Variants in EIF3H observed in about 807,000 individuals in gnomAD.
EIF3H encodes eukaryotic translation initiation factor 3 subunit H.
Under a neutral mutation model 44.2 loss-of-function variants are expected in EIF3H, and 26 were observed. That is an observed-to-expected ratio of 0.59 (90% CI 0.43 to 0.82). The LOEUF is 0.82. Ranked by LOEUF, EIF3H falls within the 40% of genes least tolerant of loss-of-function variation. The pLI is 0.00. For missense variants in EIF3H, 359 were observed against 432.8 expected, an observed-to-expected ratio of 0.83 and a Z score of 1.51; for synonymous variants, 166 against 151.9, an observed-to-expected ratio of 1.09 and a Z score of -0.68.
intron 2 of EIF3H, among the ~76,000 whole-genome samples, chr8:116,722,966 G>T (rs1241443226): frequency 6.6e-6 from 1 of 152,104 alleles, no homozygotes; most frequent in East Asian, 1.9e-4. Context: ...ATAAAACATT[G>T]GTCAATTCAA....
At position 116,676,455 on chromosome 8, in the gene EIF3H, G is replaced by A. The variant is rs111958821; in HGVS notation, c.290-17475C>T. ...TGGCAGGATGAAGTGCTGAGCAAAG[G>A]GGGGAAGAGCCTCTTATAAAACCAT... On this transcript the variant is annotated intron_variant, in intron 2 of 7. Transcript: ENST00000521861. Among the ~76,000 whole-genome samples, 98 of 152,276 alleles carry A rather than the reference G, an allele frequency of 6.4e-4. 1 individual carries two copies. The highest frequency in any genetic ancestry group is 2.1e-3 in the African/African-American group (88 of 41,566).
At chr8:116,699,241 C>A (rs1366215639) in intron 2 of EIF3H, among the ~76,000 whole-genome samples, 1 of 152,180 alleles carries the variant, frequency 6.6e-6, no homozygotes, top group South Asian at 2.1e-4. Context: ...AACTACTCAA[C>A]TGTATCATAT....
chr8:116,672,013 T>G (rs921791866), intron 2 of EIF3H, among the ~76,000 whole-genome samples: 10 of 152,220 alleles, frequency 6.6e-5, no homozygotes, highest in Non-Finnish European at 1.5e-4. Flanking sequence ...ATAACCTAAT[T>G]TTTAATTTAT....
In EIF3H at chr8:116,644,047, A is replaced by G. The variant is rs1245562056; in HGVS notation, c.*959T>C. 6.6e-6 allele frequency: 1 copy of G among 152,248 alleles called. No individual in the cohort carries two copies. Among genetic ancestry groups the G allele is most frequent in the Non-Finnish European group, 1.5e-5 (1 of 68,050 alleles). The allele number at this position is 152,248 out of a possible 1,614,324, so 9.4% of individuals were successfully genotyped here. A position where few individuals can be genotyped will look rare whatever the true frequency, so the allele number is the denominator to read the frequency against. On this transcript the variant is annotated 3_prime_UTR_variant, in exon 8 of 8. Coordinates refer to ENST00000521861, the MANE Select transcript of EIF3H (RefSeq NM_003756.3). ...AGACAAATGTGAAGTCCTAAATAAT[A>G]TAAACAAAATGAAGTTTACTTGTGG...
chr8:116,725,377 T>C (rs1303941864), intron 2 of EIF3H, among the ~76,000 whole-genome samples: 1 of 152,222 alleles, frequency 6.6e-6, no homozygotes, highest in Non-Finnish European at 1.5e-5. Context: ...TTAACACTAC[T>C]GTAATGTATA....
intron 2 of EIF3H, among the ~76,000 whole-genome samples, chr8:116,719,357 C>T (rs1307889128): frequency 6.6e-6 from 1 of 152,032 alleles, no homozygotes; most frequent in Non-Finnish European, 1.5e-5. Flanking sequence ...CTTAGAGAAA[C>T]TATGGCAAGG....
chr8:116,708,673 A>C (rs951599723), intron 2 of EIF3H, among the ~76,000 whole-genome samples: 1 of 152,116 alleles, frequency 6.6e-6, no homozygotes, highest in Non-Finnish European at 1.5e-5. Flanking sequence ...TGTTCATCAA[A>C]ACCACTTAAT....
At chr8:116,760,911 T>A (rs1162409293) in intron 1 of EIF3H, among the ~76,000 whole-genome samples, 1 of 152,220 alleles carries the variant, frequency 6.6e-6, no homozygotes, top group Non-Finnish European at 1.5e-5. Flanking sequence ...TAATTTCCAA[T>A]CTTTAAACTT....
intron 1 of EIF3H, among the ~76,000 whole-genome samples, chr8:116,742,331 T>A (rs1271907160): frequency 6.6e-6 from 1 of 152,218 alleles, no homozygotes; most frequent in Non-Finnish European, 1.5e-5. Context: ...ACTAATCTTA[T>A]AAAAATTAGT....
chr8:116,762,078 G>C (rs1220767619), intron 1 of EIF3H, among the ~76,000 whole-genome samples: 3 of 152,214 alleles, frequency 2.0e-5, no homozygotes, highest in Admixed American at 6.5e-5. Flanking sequence ...CCACCTTTTA[G>C]AGGAAACATA....
chr8:116,648,775 G>A (rs766630383), intron 6 of EIF3H, 31 bp downstream of exon 6: 10 of 1,552,896 alleles, frequency 6.4e-6, no homozygotes, highest in African/African-American at 1.4e-5. Context: ...CTTAGAAATA[G>A]CTGTTTGTTG....
intron 2 of EIF3H, among the ~76,000 whole-genome samples, chr8:116,674,677 G>A (rs568915104): frequency 6.6e-6 from 1 of 152,258 alleles, no homozygotes; most frequent in Admixed American, 6.5e-5. Flanking sequence ...TTTGTGTATT[G>A]TATGTGACTG....
intron 2 of EIF3H, among the ~76,000 whole-genome samples, chr8:116,660,513 T>C (rs1813568619): frequency 6.6e-6 from 1 of 152,172 alleles, no homozygotes; most frequent in African/African-American, 2.4e-5. Context: ...TACACAAGAA[T>C]TGCGTGTTTT....
chr8:116,744,824 C>T (rs977624973), intron 1 of EIF3H, among the ~76,000 whole-genome samples: 9 of 152,164 alleles, frequency 5.9e-5, no homozygotes, highest in Admixed American at 2.6e-4. Flanking sequence ...ATCTAAGAAA[C>T]GACCTATGGT....
intron 1 of EIF3H, among the ~76,000 whole-genome samples, chr8:116,735,800 G>GAA (rs578239452): frequency 1.1e-4 from 15 of 133,984 alleles, no homozygotes; most frequent in African/African-American, 1.1e-4. Context: ...TGGGCATGCA[G>GAA]AAAAAAAAAA....
rs570969219 is a variant in EIF3H, at chr8:116,643,111, C to T, written c.*1895G>A. 6.6e-6 allele frequency: 1 copy of T among 152,318 alleles called. No homozygotes were observed. Among genetic ancestry groups the T allele is most frequent in the South Asian group, 2.1e-4 (1 of 4,832 alleles). The allele number at this position is 152,318 out of a possible 1,614,324, so 9.4% of individuals were successfully genotyped here. On this transcript the variant is annotated 3_prime_UTR_variant, in exon 8 of 8. Coordinates refer to ENST00000521861, the MANE Select transcript of EIF3H (RefSeq NM_003756.3). Reference sequence around the variant, plus strand: ...TTAACTCCACAATAAGATCCCAAGTCTAGAAAATTAGAATGCAGAGGAAAT... The same window carrying T: ...TTAACTCCACAATAAGATCCCAAGTTTAGAAAATTAGAATGCAGAGGAAAT...
intron 2 of EIF3H, among the ~76,000 whole-genome samples, chr8:116,662,583 C>A (rs1452753660): frequency 2.0e-5 from 3 of 152,210 alleles, no homozygotes; most frequent in African/African-American, 7.2e-5. Flanking sequence ...AGGTCTGTGT[C>A]CCCATTCTTT....
chr8:116,656,905 C>A (rs1193651834), intron 4 of EIF3H, among the ~76,000 whole-genome samples: 1 of 152,102 alleles, frequency 6.6e-6, no homozygotes. Context: ...ACAGAGCTTA[C>A]AATCTGACAG....
intron 1 of EIF3H, among the ~76,000 whole-genome samples, chr8:116,727,670 T>C (rs1814869584): frequency 6.6e-6 from 1 of 152,244 alleles, no homozygotes; most frequent in African/African-American, 2.4e-5. Flanking sequence ...ATACAAAGCA[T>C]ACTAAATGGC....
Sources: gnomAD v4.1 joint callset for allele counts (sites outside exome capture counted in the v4.1 genomes callset) on GRCh38, gnomAD v4.1.1 for gene constraint, MANE v1.5 for transcripts, NCBI Gene and HGNC (gene_info 2026-07-23, HGNC 2026-07-21) for gene names.